Variants in GTF2IRD1 observed in about 807,000 individuals in gnomAD.
The protein encoded by GTF2IRD1 is GTF2I repeat domain containing 1.
A neutral mutation model predicts 113.2 loss-of-function variants in GTF2IRD1; 26 were observed. The ratio of observed to expected loss-of-function variants is 0.23; its 90% CI spans 0.17 to 0.32. The LOEUF is 0.32. GTF2IRD1 is among the 10% of genes least tolerant of loss of function. The pLI is 1.00. For synonymous variants in GTF2IRD1, 484 were observed against 529.1 expected (o/e 0.91, Z 1.17); for missense variants, 864 against 1,280.8 (o/e 0.67, Z 4.97).
intron 22 of GTF2IRD1, among the ~76,000 whole-genome samples, chr7:74,569,025 T>C (rs1800522969): frequency 6.6e-6 from 1 of 152,306 alleles, no homozygotes; most frequent in Non-Finnish European, 1.5e-5. Flanking sequence ...AGGGTGGGTT[T>C]CTGCAGCCGA....
chr7:74,512,803 C>T lies in GTF2IRD1; in HGVS notation c.124-27C>T, dbSNP rs782108422. The T allele has an allele frequency of 2.7e-5, 43 of 1,610,396 alleles. No individual in the cohort carries two copies. Among genetic ancestry groups the T allele is most frequent in the Middle Eastern group, 3.3e-4 (2 of 6,068 alleles). ...GTGTTCGGAGTATGGGGAGCCCTTCCGCTCACACAGCCTGCCCTTCCCACA... is the reference window on the plus strand; with the variant it reads ...GTGTTCGGAGTATGGGGAGCCCTTCTGCTCACACAGCCTGCCCTTCCCACA... On this transcript the variant is annotated intron_variant, in intron 2 of 26. Transcript: ENST00000424337. The surrounding 1 kb of genome is among the most constrained non-coding windows in gnomAD (Gnocchi z 4.4).
chr7:74,512,317 A>C lies in GTF2IRD1; in HGVS notation c.124-513A>C, dbSNP rs1437101890. Among the ~76,000 whole-genome samples, 1 of 152,176 alleles carries C rather than the reference A, an allele frequency of 6.6e-6. No individual in the cohort carries two copies. Among genetic ancestry groups the C allele is most frequent in the South Asian group, 2.1e-4 (1 of 4,830 alleles). On this transcript the variant is annotated intron_variant, in intron 2 of 26. Coordinates refer to ENST00000424337, the MANE Select transcript of GTF2IRD1 (RefSeq NM_005685.4). This position sits in a 1 kb window ranked among gnomAD's most constrained non-coding sequence, Gnocchi z 4.4. The stretch of plus-strand genomic sequence containing the variant: ...CAGTGAACCAAGATTGTGCCACTGC[A>C]CTCCAGCCTGGGCGACAGAGTGAGA...
intron 1 of GTF2IRD1, among the ~76,000 whole-genome samples, chr7:74,496,486 T>C (rs1245620082): frequency 2.2e-5 from 2 of 92,544 alleles, no homozygotes; most frequent in East Asian, 3.6e-4. Context: ...TGTGCACGTA[T>C]GTGTGTGTGT....
chr7:74,556,620 CTT>C (rs782679644), intron 19 of GTF2IRD1, among the ~76,000 whole-genome samples: 6 of 107,166 alleles, frequency 5.6e-5, no homozygotes, highest in Non-Finnish European at 7.4e-5. Context: ...CTGCACCCAG[CTT>C]TTTTTTTTTT....
At chr7:74,521,171 C>A in intron 6 of GTF2IRD1, 37 bp from the exon 7 acceptor site, 1 of 1,254,304 alleles carries the variant, frequency 8.0e-7, no homozygotes, top group Non-Finnish European at 1.2e-6. Context: ...CCTCTTGGGT[C>A]CCACCTGGAA....
At position 74,519,682 on chromosome 7, in the gene GTF2IRD1, C is replaced by T; in HGVS notation, c.879C>T (p.Pro293=). 6.3e-7 allele frequency: 1 copy of T among 1,592,792 alleles called. No individual in the cohort carries two copies. Among genetic ancestry groups the T allele is most frequent in the Non-Finnish European group, 8.5e-7 (1 of 1,170,410 alleles). The change falls in exon 6 of 27, where the codon CCC becomes CCT. Residue 293 remains proline (P), a synonymous_variant. Transcript: ENST00000424337. ...GCCTGAGTCGGCCCATGCCAGAGCC[C>T]AAGGCCACCGGTGCCCAAGACTTCT... The part of the protein sequence containing the change: ...DLGLSRPMPE[P]KATGAQDFSD...
intron 22 of GTF2IRD1, among the ~76,000 whole-genome samples, chr7:74,566,779 G>C (rs587737604): frequency 3.0e-4 from 46 of 152,324 alleles, no homozygotes; most frequent in African/African-American, 1.1e-3. Flanking sequence ...TAGTGTGGTA[G>C]AGATTTGAAC....
At chr7:74,584,534 A>G (rs73137114) in intron 22 of GTF2IRD1, among the ~76,000 whole-genome samples, 290 of 152,302 alleles carry the variant, frequency 1.9e-3, no homozygotes, top group Non-Finnish European at 3.0e-3. Flanking sequence ...GATAAAGTAA[A>G]TAGAGTAGAG....
intron 24 of GTF2IRD1, among the ~76,000 whole-genome samples, chr7:74,592,707 A>C (rs1802138123): frequency 6.6e-6 from 1 of 150,630 alleles, no homozygotes; most frequent in East Asian, 2.0e-4. Flanking sequence ...CTAATTTTGT[A>C]TTTTTAATAG....
At chr7:74,478,074 C>T (rs1794527095) in intron 1 of GTF2IRD1, among the ~76,000 whole-genome samples, 1 of 152,188 alleles carries the variant, frequency 6.6e-6, no homozygotes, top group Non-Finnish European at 1.5e-5. Context: ...TACTTCTGCA[C>T]CATGCACATG....
chr7:74,578,403 C>T (rs1801207716), intron 22 of GTF2IRD1, among the ~76,000 whole-genome samples: 1 of 151,954 alleles, frequency 6.6e-6, no homozygotes, highest in South Asian at 2.1e-4. Flanking sequence ...GTCTCCATCT[C>T]CTGACCTCAC....
chr7:74,482,709 A>G (rs1554334880), intron 1 of GTF2IRD1, among the ~76,000 whole-genome samples: 1 of 152,072 alleles, frequency 6.6e-6, no homozygotes, highest in African/African-American at 2.4e-5. Flanking sequence ...CCGCCGTTCC[A>G]TCTCCTGGCT....
chr7:74,550,231 T>C (rs1799224096), intron 17 of GTF2IRD1, among the ~76,000 whole-genome samples: 1 of 150,856 alleles, frequency 6.6e-6, no homozygotes, highest in Non-Finnish European at 1.5e-5. Flanking sequence ...TTCAGGTGGT[T>C]TAAGGATAAA....
At position 74,508,149 on chromosome 7, in the gene GTF2IRD1, G is replaced by A. The variant is rs149970309; in HGVS notation, c.69G>A (p.Ala23=). The part of the protein sequence containing the change: ...NGCGPDRWNS[A]FTRKDEIITS... ...GCGGACCCGACCGCTGGAACTCCGC[G>A]TTCACCCGCAAAGACGAGATCATCA... is the stretch of plus-strand genomic sequence containing the variant. Residue 23 remains alanine (A), a synonymous_variant, in exon 2 of 27, where the codon GCG becomes GCA. Transcript: ENST00000424337. The A allele has an allele frequency of 6.4e-4, 1,039 of 1,612,378 alleles. 3 individuals carry two copies. The highest frequency in any genetic ancestry group is 8.4e-4 in the Non-Finnish European group (989 of 1,179,962).
Position 74,558,799 on chromosome 7 carries a change from T to C in GTF2IRD1, c.2108-62T>C, listed in dbSNP as rs1583884062. 1.1e-5 allele frequency: 15 copies of C among 1,373,990 alleles called. No homozygotes were observed. In the South Asian group the frequency reaches 1.6e-4, roughly 14 times the overall value. The allele number at this position is 1,373,990 out of a possible 1,614,324, so 85.1% of individuals were successfully genotyped here. Reference sequence around the variant, plus strand: ...TTTCCATCACATCCCCGCAATCCCATGTACACACACCCCACGCTGCCTCTC... The same window carrying C: ...TTTCCATCACATCCCCGCAATCCCACGTACACACACCCCACGCTGCCTCTC... On this transcript the variant is annotated intron_variant, in intron 20 of 26. Coordinates refer to ENST00000424337, the MANE Select transcript of GTF2IRD1 (RefSeq NM_005685.4).
At chr7:74,541,824 C>T (rs1798652117) in intron 14 of GTF2IRD1, among the ~76,000 whole-genome samples, 1 of 152,016 alleles carries the variant, frequency 6.6e-6, no homozygotes, top group Non-Finnish European at 1.5e-5. Flanking sequence ...TCACTTGAAC[C>T]CAGGAGGCAG....
At chr7:74,545,504 A>AATCTTC (rs1386328428) in intron 15 of GTF2IRD1, among the ~76,000 whole-genome samples, 1 of 152,132 alleles carries the variant, frequency 6.6e-6, no homozygotes, top group Non-Finnish European at 1.5e-5. Flanking sequence ...GAACCTTCCA[A>AATCTTC]ATCTTCATTC....
intron 1 of GTF2IRD1, among the ~76,000 whole-genome samples, chr7:74,475,220 G>A (rs376064477): frequency 1.4e-4 from 21 of 152,272 alleles, no homozygotes; most frequent in African/African-American, 3.1e-4. Context: ...ACGCCATTGC[G>A]ATCATAGGCT....
chr7:74,512,796 G>A lies in GTF2IRD1; in HGVS notation c.124-34G>A. On this transcript the variant is annotated intron_variant, in intron 2 of 26. Transcript: ENST00000424337. The surrounding 1 kb of genome is among the most constrained non-coding windows in gnomAD (Gnocchi z 4.4). ...ACTAGAGGTGTTCGGAGTATGGGGA[G>A]CCCTTCCGCTCACACAGCCTGCCCT... 6.2e-7 allele frequency: 1 copy of A among 1,607,544 alleles called. No homozygotes were observed. Among genetic ancestry groups the A allele is most frequent in the Admixed American group, 1.7e-5 (1 of 59,676 alleles).
Sources: gnomAD v4.1 joint callset for allele counts (sites outside exome capture counted in the v4.1 genomes callset) on GRCh38, gnomAD v4.1.1 for gene constraint, Gnocchi (gnomAD v3.1) non-coding constraint, MANE v1.5 for transcripts, NCBI Gene and HGNC (gene_info 2026-07-23, HGNC 2026-07-21) for gene names.